The following CHN1 variants were observed in gnomAD, a reference collection of about 807,000 sequenced individuals.
CHN1 encodes chimerin 1, also known as N-chimaerin.
CHN1 carries 37 observed loss-of-function variants against 59.5 expected under a neutral mutation model. That is an observed-to-expected ratio of 0.62 (90% CI 0.48 to 0.82). The LOEUF (loss-of-function observed/expected upper bound fraction) is 0.82. CHN1 is among the 40% of genes least tolerant of loss of function. The probability of loss-of-function intolerance (pLI) is 0.00; values close to 1 mark genes in which losing one functional copy is unlikely to be tolerated. For missense variants in CHN1, 469 were observed against 571.0 expected, an observed-to-expected ratio of 0.82 and a Z score of 1.82; for synonymous variants, 206 against 200.4, an observed-to-expected ratio of 1.03 and a Z score of -0.24.
At chr2:174,824,643 A>G (rs1685624381) in intron 7 of CHN1, 125 bp from the exon 8 acceptor site, 1 of 434,022 alleles carries the variant, frequency 2.3e-6, no homozygotes, top group Non-Finnish European at 4.0e-6. Context: ...AGAGAAAGAG[A>G]AATGGGGTCT....
At chr2:174,873,469 C>A (rs529747325) in intron 6 of CHN1, among the ~76,000 whole-genome samples, 1 of 152,294 alleles carries the variant, frequency 6.6e-6, no homozygotes, top group South Asian at 2.1e-4. Context: ...CACCTTACTG[C>A]TGATTTCTAC....
chr2:174,952,219 C>G lies in CHN1; in HGVS notation c.20-17G>C. 7.4e-7 allele frequency: 1 copy of G among 1,345,366 alleles called. No individual in the cohort carries two copies. Among genetic ancestry groups the G allele is most frequent in the Non-Finnish European group, 1.0e-6 (1 of 1,004,008 alleles). The allele number at this position is 1,345,366 out of a possible 1,614,324, so 83.3% of individuals were successfully genotyped here. On this transcript the variant is annotated splice_polypyrimidine_tract_variant and intron_variant, in intron 1 of 12. Coordinates refer to ENST00000409900, the MANE Select transcript of CHN1 (RefSeq NM_001822.7). ...CATCTGTATCTGAAAGAAAAAACAT[C>G]AAATTAACATTACTGAATATTTAAA...
chr2:174,929,438 C>T (rs1398451459), intron 3 of CHN1, among the ~76,000 whole-genome samples: 1 of 152,050 alleles, frequency 6.6e-6, no homozygotes, highest in East Asian at 1.9e-4. Flanking sequence ...ATTAGCCATG[C>T]ATGGTGGCAA....
chr2:174,921,406 C>T (rs929287935), intron 3 of CHN1, among the ~76,000 whole-genome samples: 7 of 152,130 alleles, frequency 4.6e-5, no homozygotes, highest in Non-Finnish European at 1.0e-4. Flanking sequence ...TATTCCTTGA[C>T]TCCATGTAAG....
chr2:174,939,554 T>C (rs1435851367), intron 3 of CHN1, among the ~76,000 whole-genome samples: 1 of 152,198 alleles, frequency 6.6e-6, no homozygotes, highest in Non-Finnish European at 1.5e-5. Flanking sequence ...ATAATATAGC[T>C]ATTTTTCAAC....
chr2:174,957,565 T>C (rs1690252938), intron 1 of CHN1, among the ~76,000 whole-genome samples: 1 of 152,150 alleles, frequency 6.6e-6, no homozygotes, highest in African/African-American at 2.4e-5. Context: ...ATGTTATTAT[T>C]TCCTTGATAT....
chr2:174,912,713 A>G (rs1688737416), intron 5 of CHN1, among the ~76,000 whole-genome samples: 1 of 152,244 alleles, frequency 6.6e-6, no homozygotes, highest in Non-Finnish European at 1.5e-5. Context: ...CTTCTATTTC[A>G]GACTTTGCTT....
intron 5 of CHN1, among the ~76,000 whole-genome samples, chr2:174,902,480 CTAAA>C (rs1345239406): frequency 1.8e-4 from 27 of 152,242 alleles, no homozygotes; most frequent in Admixed American, 8.5e-4. Flanking sequence ...TACTGCAGAA[CTAAA>C]TGTTACTGTC....
At chr2:174,898,376 C>T (rs1055388136) in intron 5 of CHN1, among the ~76,000 whole-genome samples, 3 of 149,260 alleles carry the variant, frequency 2.0e-5, no homozygotes, top group Non-Finnish European at 3.0e-5. Flanking sequence ...CCAAGGCGGG[C>T]GGATCACGAG....
chr2:174,817,009 GA>G (rs1015115398), intron 8 of CHN1, among the ~76,000 whole-genome samples: 2 of 152,088 alleles, frequency 1.3e-5, no homozygotes, highest in Non-Finnish European at 2.9e-5. Flanking sequence ...TACTCAGCCA[GA>G]AAGTGCTAGA....
rs1558933703 is a variant in CHN1, at chr2:174,812,395, C to A, written c.800G>T (p.Ser267Ile). The change falls in exon 9 of 13, where the codon AGC becomes ATC. Residue 267 changes from serine to isoleucine, a missense_variant. Ser to Ile is a moderately radical substitution (Grantham distance 142, BLOSUM62 -2). Coordinates refer to ENST00000409900, the MANE Select transcript of CHN1 (RefSeq NM_001822.7). ...PDLKHVKKVY[S>I]CDLTTLVKAH... ...TTTCACGAGCGTCGTAAGGTCACAG[C>A]TGTACACCTTTTTGACATGCTTCAA... is the stretch of plus-strand genomic sequence containing the variant. 1.2e-6 allele frequency: 2 copies of A among 1,614,028 alleles called. No individual in the cohort carries two copies. Among genetic ancestry groups the A allele is most frequent in the Non-Finnish European group, 1.7e-6 (2 of 1,179,890 alleles).
chr2:174,836,307 A>G (rs530919925), intron 7 of CHN1, among the ~76,000 whole-genome samples: 1 of 152,298 alleles, frequency 6.6e-6, no homozygotes, highest in Admixed American at 6.5e-5. Context: ...CTGGTTTGCT[A>G]GTTGTTTAAG....
intron 5 of CHN1, among the ~76,000 whole-genome samples, chr2:174,911,776 C>T (rs555104954): frequency 1.2e-3 from 177 of 152,304 alleles, no homozygotes; most frequent in African/African-American, 4.1e-3. Flanking sequence ...CCTTTAAGTG[C>T]AGGAGAGATG....
intron 1 of CHN1, among the ~76,000 whole-genome samples, chr2:174,978,467 G>A (rs1409966186): frequency 6.6e-6 from 1 of 152,238 alleles, no homozygotes; most frequent in African/African-American, 2.4e-5. Flanking sequence ...CTCTCTGCGT[G>A]TGGGCCCTGA....
chr2:174,949,741 A>G (rs1310734434), intron 2 of CHN1, among the ~76,000 whole-genome samples: 1 of 152,246 alleles, frequency 6.6e-6, no homozygotes, highest in Non-Finnish European at 1.5e-5. Flanking sequence ...TAATCTTATA[A>G]GAAAATTTCT....
intron 1 of CHN1, among the ~76,000 whole-genome samples, chr2:174,979,944 A>G (rs1267045833): frequency 1.3e-5 from 2 of 152,186 alleles, no homozygotes; most frequent in African/African-American, 4.8e-5. Flanking sequence ...ATACCTTTTT[A>G]GAACAATTTC....
chr2:174,850,111 G>C (rs1558951887), intron 6 of CHN1, among the ~76,000 whole-genome samples: 3 of 152,190 alleles, frequency 2.0e-5, no homozygotes, highest in African/African-American at 7.2e-5. Context: ...CCTCCTACGT[G>C]ATGGCTTTGA....
At chr2:174,998,724 T>C (rs1410402481) in intron 1 of CHN1, among the ~76,000 whole-genome samples, 2 of 152,200 alleles carry the variant, frequency 1.3e-5, no homozygotes, top group African/African-American at 4.8e-5. Context: ...CTTTTCTAAA[T>C]TTAAAACAGG....
intron 1 of CHN1, among the ~76,000 whole-genome samples, chr2:174,986,752 T>TTGC (rs1220550577): frequency 1.2e-4 from 19 of 152,380 alleles, no homozygotes; most frequent in Non-Finnish European, 1.9e-4. Context: ...GTTTGCTTGT[T>TTGC]TTGAGACGGA....
Sources: allele counts gnomAD v4.1 joint callset (sites outside exome capture counted in the v4.1 genomes callset), GRCh38; gene constraint gnomAD v4.1.1; transcripts MANE v1.5; gene names NCBI Gene and HGNC (gene_info 2026-07-23, HGNC 2026-07-21).